The following FSHR variants were observed in gnomAD, a reference collection of about 807,000 sequenced individuals.
FSHR encodes the protein follicle-stimulating hormone receptor.
A neutral mutation model predicts 52.1 loss-of-function variants in FSHR; 46 were observed. The observed-to-expected ratio is 0.88, with a 90% CI of 0.70 to 1.13. FSHR has a LOEUF of 1.13. Among genes scored for constraint, FSHR ranks in the 50% most tolerant of loss-of-function variants. The probability of loss-of-function intolerance (pLI) is 0.00; values close to 1 mark genes in which losing one functional copy is unlikely to be tolerated. For missense variants in FSHR, 964 were observed against 834.6 expected, an observed-to-expected ratio of 1.16 and a Z score of -1.91; for synonymous variants, 399 against 309.6, an observed-to-expected ratio of 1.29 and a Z score of -3.03.
intron 2 of FSHR, among the ~76,000 whole-genome samples, chr2:49,029,545 A>G (rs144311794): frequency 1.5e-3 from 232 of 152,192 alleles, no homozygotes; most frequent in African/African-American, 5.4e-3. Context: ...TCTGAGATCC[A>G]TTTTCCTCTG....
chr2:49,040,600 T>C (rs754189694), intron 2 of FSHR, among the ~76,000 whole-genome samples: 1 of 152,082 alleles, frequency 6.6e-6, no homozygotes, highest in African/African-American at 2.4e-5. Flanking sequence ...TGGTTGTCTA[T>C]GTGGAGAGAG....
intron 1 of FSHR, among the ~76,000 whole-genome samples, chr2:49,072,034 C>T (rs1669756461): frequency 6.6e-6 from 1 of 152,078 alleles, no homozygotes; most frequent in African/African-American, 2.4e-5. Context: ...CTGGAAACCC[C>T]ACCAAGTCAA....
At chr2:48,995,384 G>C (rs1346590227) in intron 4 of FSHR, among the ~76,000 whole-genome samples, 1 of 152,034 alleles carries the variant, frequency 6.6e-6, no homozygotes, top group Non-Finnish European at 1.5e-5. Flanking sequence ...AGTGCTTATA[G>C]GAAGAGGAAA....
chr2:49,016,834 G>C (rs1667507677), intron 4 of FSHR, among the ~76,000 whole-genome samples: 1 of 152,162 alleles, frequency 6.6e-6, no homozygotes, highest in Non-Finnish European at 1.5e-5. Flanking sequence ...CCATACCTAT[G>C]ATCAGTAGCT....
intron 9 of FSHR, 41 bp downstream of exon 9, chr2:48,968,657 A>G (rs1222263966): frequency 6.8e-6 from 11 of 1,606,058 alleles, no homozygotes; most frequent in African/African-American, 2.7e-5. Context: ...AAAGTTCTAC[A>G]TTGGGGAAAT....
At chr2:49,045,247 A>G (rs1016769598) in intron 2 of FSHR, among the ~76,000 whole-genome samples, 4 of 152,164 alleles carry the variant, frequency 2.6e-5, no homozygotes, top group African/African-American at 9.7e-5. Flanking sequence ...ACAGGTCCCA[A>G]CACAGGAATC....
At chr2:49,111,631 G>T (rs2103753971) in intron 1 of FSHR, among the ~76,000 whole-genome samples, 1 of 152,252 alleles carries the variant, frequency 6.6e-6, no homozygotes, top group South Asian at 2.1e-4. Context: ...TGCCTGGACG[G>T]CGGGTTTATT....
At chr2:48,971,467 G>A (rs567610296) in intron 8 of FSHR, among the ~76,000 whole-genome samples, 2 of 152,292 alleles carry the variant, frequency 1.3e-5, no homozygotes, top group South Asian at 2.1e-4. Flanking sequence ...TCAAGTCCTA[G>A]GGTTAGTAGT....
intron 2 of FSHR, among the ~76,000 whole-genome samples, chr2:49,045,086 A>G (rs774423876): frequency 1.3e-5 from 2 of 152,232 alleles, no homozygotes; most frequent in Non-Finnish European, 2.9e-5. Flanking sequence ...GGAATATGAA[A>G]AGTGTTTTTT....
At chr2:49,102,595 T>C (rs898085880) in intron 1 of FSHR, among the ~76,000 whole-genome samples, 2 of 152,142 alleles carry the variant, frequency 1.3e-5, no homozygotes. Flanking sequence ...AATGATGTGC[T>C]CTGAAAGTGA....
chr2:49,023,176 C>T (rs1667798201), intron 2 of FSHR, among the ~76,000 whole-genome samples: 1 of 152,204 alleles, frequency 6.6e-6, no homozygotes. Context: ...TCTACCAGCA[C>T]TGAAGTTTTC....
At chr2:49,081,008 C>A (rs1219420623) in intron 1 of FSHR, among the ~76,000 whole-genome samples, 1 of 152,156 alleles carries the variant, frequency 6.6e-6, no homozygotes, top group Non-Finnish European at 1.5e-5. Context: ...TCTGGCTGCC[C>A]GTTCCTATGG....
At chr2:49,102,304 G>A (rs1327536281) in intron 1 of FSHR, among the ~76,000 whole-genome samples, 2 of 152,112 alleles carry the variant, frequency 1.3e-5, no homozygotes, top group Non-Finnish European at 2.9e-5. Context: ...AGGTGTGGGG[G>A]CAGCACAGAA....
At chr2:48,991,826 A>G (rs1675795373) in intron 4 of FSHR, among the ~76,000 whole-genome samples, 1 of 152,156 alleles carries the variant, frequency 6.6e-6, no homozygotes. Context: ...TCTGTATGTG[A>G]CTTACTCAAG....
intron 1 of FSHR, among the ~76,000 whole-genome samples, chr2:49,072,512 TA>T (rs1669774973): frequency 6.6e-6 from 1 of 152,130 alleles, no homozygotes; most frequent in Non-Finnish European, 1.5e-5. Context: ...AACAGAAAAT[TA>T]TGAACCCAAT....
At chr2:49,152,833 G>T (rs1030374142) in intron 1 of FSHR, among the ~76,000 whole-genome samples, 3 of 152,208 alleles carry the variant, frequency 2.0e-5, no homozygotes, top group Non-Finnish European at 2.9e-5. Flanking sequence ...GGAACTTGAG[G>T]CTCAGAAGGG....
chr2:49,120,704 AT>A (rs398090309), intron 1 of FSHR, among the ~76,000 whole-genome samples: 9 of 86,980 alleles, frequency 1.0e-4, no homozygotes, highest in African/African-American at 3.2e-4. Context: ...CTTTGGACAT[AT>A]TATACAACCT....
chr2:49,140,595 G>A (rs2103835428), intron 1 of FSHR, among the ~76,000 whole-genome samples: 1 of 152,094 alleles, frequency 6.6e-6, no homozygotes, highest in Non-Finnish European at 1.5e-5. Flanking sequence ...AGCTACTCTA[G>A]AGGCTGAGGC....
intron 2 of FSHR, among the ~76,000 whole-genome samples, chr2:49,030,314 G>A (rs1460251489): frequency 7.6e-6 from 1 of 131,650 alleles, no homozygotes; most frequent in Non-Finnish European, 1.6e-5. Context: ...GTGTGTGTGT[G>A]TTATTGGAGG....
Sources: gnomAD v4.1 joint callset for allele counts (sites outside exome capture counted in the v4.1 genomes callset) on GRCh38, gnomAD v4.1.1 for gene constraint, MANE v1.5 for transcripts, NCBI Gene and HGNC (gene_info 2026-07-23, HGNC 2026-07-21) for gene names.